Variants in RSPO4 observed in about 807,000 individuals in gnomAD.
RSPO4 encodes the protein R-spondin 4, also known as R-spondin-4.
RSPO4 carries 23 observed loss-of-function variants against 24.8 expected under a neutral mutation model. The observed-to-expected ratio is 0.93, with a 90% CI of 0.67 to 1.31. RSPO4 has a LOEUF of 1.31. Ranked by LOEUF, RSPO4 falls within the 40% of genes most tolerant of loss-of-function variation. The pLI is 0.00. For missense variants in RSPO4, 333 were observed against 316.5 expected (o/e 1.05, Z -0.39); for synonymous variants, 141 against 127.4 (o/e 1.11, Z -0.72).
intron 1 of RSPO4, among the ~76,000 whole-genome samples, chr20:992,139 A>C: frequency 6.6e-6 from 1 of 152,210 alleles, no homozygotes; most frequent in East Asian, 1.9e-4. Flanking sequence ...TCCCCCCAAA[A>C]TAGCCATCAC....
chr20:967,104 C>T, intron 3 of RSPO4, 70 bp downstream of exon 3: 1 of 1,506,158 alleles, frequency 6.6e-7, no homozygotes. Context: ...GGGCCCCTAA[C>T]ATCTCTCACC....
chr20:963,465 C>T (rs531081074), intron 4 of RSPO4, among the ~76,000 whole-genome samples: 5 of 152,260 alleles, frequency 3.3e-5, no homozygotes, highest in East Asian at 1.9e-4. Context: ...GCGCTGACCA[C>T]GGCCGCGGTC....
chr20:993,374 G>A (rs1046265213), intron 1 of RSPO4, among the ~76,000 whole-genome samples: 6 of 152,220 alleles, frequency 3.9e-5, no homozygotes, highest in South Asian at 2.1e-4. Context: ...GACCATTCCC[G>A]AAGGGATCTG....
In RSPO4 at chr20:960,428, G is replaced by C; in HGVS notation, c.634C>G (p.Arg212Gly). The change falls in exon 5 of 5, where the codon CGC becomes GGC. Residue 212 changes from arginine (R) to glycine (G), a missense_variant. Coordinates refer to ENST00000217260, the MANE Select transcript of RSPO4 (RefSeq NM_001029871.4). ...PGQKKGRKDR[R>G]PRKDRKLDRR... ...TCCAGCTTCCTGTCCTTGCGTGGGC[G>C]CCGGTCCTTCCTGCCCTTCTTCTGG... The C allele has an allele frequency of 1.9e-6, 3 of 1,539,752 alleles. No homozygotes were observed. The highest frequency in any genetic ancestry group is 2.6e-6 in the Non-Finnish European group (3 of 1,147,362).
chr20:964,159 G>A (rs1260640037), intron 3 of RSPO4, 39 bp from the exon 4 acceptor site: 1 of 1,552,314 alleles, frequency 6.4e-7, no homozygotes, highest in Non-Finnish European at 8.8e-7. Context: ...CAGACAGACA[G>A]GGTCAGCCGG....
chr20:965,721 T>C (rs917903601), intron 3 of RSPO4, among the ~76,000 whole-genome samples: 6 of 152,062 alleles, frequency 3.9e-5, no homozygotes, highest in African/African-American at 1.4e-4. Flanking sequence ...GTTTGGGAGC[T>C]TCGTGCTGCT....
At chr20:982,212 C>T (rs1211536806) in intron 1 of RSPO4, among the ~76,000 whole-genome samples, 1 of 152,180 alleles carries the variant, frequency 6.6e-6, no homozygotes, top group Non-Finnish European at 1.5e-5. Flanking sequence ...AGAGCTAGTG[C>T]CCTGTTAGCC....
rs191549509 is a variant in RSPO4 at position 963,434 on chromosome 20, C to T, written c.595+501G>A. Among the ~76,000 whole-genome samples the T allele has an allele frequency of 1.3e-4, 20 of 152,236 alleles. No homozygotes were observed. The East Asian group carries it at 2.5e-3, about 19-fold the overall frequency. On this transcript the variant is annotated intron_variant, in intron 4 of 4. Coordinates refer to ENST00000217260, the MANE Select transcript of RSPO4 (RefSeq NM_001029871.4). The stretch of plus-strand genomic sequence containing the variant: ...TGTTGGGAAATCGCATCTCTGATGG[C>T]GATGTGGCCACGTACTTGGGGCGCT...
chr20:976,708 T>C (rs1393322657), intron 1 of RSPO4, among the ~76,000 whole-genome samples: 1 of 152,136 alleles, frequency 6.6e-6, no homozygotes, highest in Non-Finnish European at 1.5e-5. Context: ...GAAAATGTCA[T>C]GTTCTCCTAG....
In RSPO4 at chr20:958,930, G is replaced by C. The variant is rs3746813; in HGVS notation, c.*1427C>G. 0.1 allele frequency: 15,518 copies of C among 152,470 alleles called. 906 individuals are homozygous for C. The highest frequency in any genetic ancestry group is 0.21 in the East Asian group (1,102 of 5,168). 9.4% of individuals were successfully genotyped at this position (152,470 alleles called of 1,614,324 possible). A position where few individuals can be genotyped will look rare whatever the true frequency, so the allele number is the denominator to read the frequency against. The stretch of plus-strand genomic sequence containing the variant: ...GGATTCCGGGGAGCAGAGCAGGAAG[G>C]GGGTGTTATGATGGCAGAAGGATAG... On this transcript the variant is annotated 3_prime_UTR_variant, in exon 5 of 5. Coordinates refer to ENST00000217260, the MANE Select transcript of RSPO4 (RefSeq NM_001029871.4).
Position 997,022 on chromosome 20 carries a change from G to C in RSPO4, c.79+5064C>G, listed in dbSNP as rs576549676. Among the ~76,000 whole-genome samples the C allele has an allele frequency of 4.6e-5, 7 of 152,330 alleles. No homozygotes were observed. The South Asian group carries it at 6.2e-4, about 14-fold the overall frequency. On this transcript the variant is annotated intron_variant, in intron 1 of 4. Coordinates refer to ENST00000217260, the MANE Select transcript of RSPO4 (RefSeq NM_001029871.4). ...CTATATCTATTGCACGGGCTTCGGA[G>C]CCTCCAAAACTCTGGGTCCAGGTCC...
chr20:985,578 T>C (rs1984895687), intron 1 of RSPO4, among the ~76,000 whole-genome samples: 1 of 152,222 alleles, frequency 6.6e-6, no homozygotes. Context: ...GTTTATTGGA[T>C]GTAAGAATGA....
intron 1 of RSPO4, among the ~76,000 whole-genome samples, chr20:991,874 T>C (rs528945245): frequency 2.6e-5 from 4 of 152,160 alleles, no homozygotes; most frequent in Non-Finnish European, 5.9e-5. Flanking sequence ...TTTTTAACAA[T>C]CTAAAGAATA....
At chr20:983,860 G>A (rs895505281) in intron 1 of RSPO4, among the ~76,000 whole-genome samples, 1 of 152,136 alleles carries the variant, frequency 6.6e-6, no homozygotes, top group Admixed American at 6.5e-5. Flanking sequence ...TGCGGACAAG[G>A]AAGCTAAGGC....
chr20:960,861 T>C (rs994891164), intron 4 of RSPO4, among the ~76,000 whole-genome samples: 8 of 152,200 alleles, frequency 5.3e-5, no homozygotes, highest in African/African-American at 1.4e-4. Context: ...GCTGGACACC[T>C]TTCATCTGTG....
In RSPO4 at chr20:964,104, A is replaced by G; in HGVS notation, c.426T>C (p.Gly142=). 4 of 1,612,726 alleles carry G rather than the reference A, an allele frequency of 2.5e-6. No individual in the cohort carries two copies. In the South Asian group the frequency reaches 4.4e-5, roughly 18 times the overall value. ...TRECQGECEL[G]PWGGWSPCTH... is the part of the protein sequence containing the mutation. ...TGCAGGGGCTCCAGCCGCCCCAGGG[A>G]CCCAGTTCACACTCCCCTGTGGGGT... is the stretch of plus-strand genomic sequence containing the variant. The change falls in exon 4 of 5, where the codon GGT becomes GGC. Residue 142 remains glycine, a synonymous_variant. Transcript: ENST00000217260.
chr20:975,944 G>C (rs1984549403), intron 1 of RSPO4, among the ~76,000 whole-genome samples: 1 of 152,168 alleles, frequency 6.6e-6, no homozygotes, highest in African/African-American at 2.4e-5. Context: ...CTGATAAACT[G>C]AAGCTACCAT....
At chr20:968,870 G>A (rs1254848258) in intron 1 of RSPO4, among the ~76,000 whole-genome samples, 1 of 152,212 alleles carries the variant, frequency 6.6e-6, no homozygotes, top group Non-Finnish European at 1.5e-5. Context: ...TTGGCACCCA[G>A]GAGCCAAAGC....
chr20:983,885 T>C (rs984253212), intron 1 of RSPO4, among the ~76,000 whole-genome samples: 1 of 152,120 alleles, frequency 6.6e-6, no homozygotes, highest in African/African-American at 2.4e-5. Context: ...AGAAGGTAAG[T>C]AAGTTGCCCA....
Sources: gnomAD v4.1 joint callset for allele counts (sites outside exome capture counted in the v4.1 genomes callset) on GRCh38, gnomAD v4.1.1 for gene constraint, MANE v1.5 for transcripts, NCBI Gene and HGNC (gene_info 2026-07-23, HGNC 2026-07-21) for gene names.